The following CCDC60 variants were observed in gnomAD, a reference collection of about 807,000 sequenced individuals.
CCDC60 encodes coiled-coil domain containing 60, also known as coiled-coil domain-containing protein 60.
A neutral mutation model predicts 63.5 loss-of-function variants in CCDC60; 54 were observed. The ratio of observed to expected loss-of-function variants is 0.85; its 90% CI spans 0.68 to 1.07. The LOEUF is 1.07. CCDC60 is among the 50% of genes least tolerant of loss of function. CCDC60 has a pLI of 0.00. For synonymous variants in CCDC60, 206 were observed against 238.8 expected (o/e 0.86, Z 1.27); for missense variants, 651 against 684.3 (o/e 0.95, Z 0.54).
At chr12:119,382,609 G>GGTAT (rs1555233368) in intron 1 of CCDC60, among the ~76,000 whole-genome samples, 2 of 151,598 alleles carry the variant, frequency 1.3e-5, no homozygotes, top group Non-Finnish European at 2.9e-5. Context: ...CAGAACAGTG[G>GGTAT]GAATGAATGA....
chr12:119,492,155 G>C (rs1951604464), intron 5 of CCDC60, among the ~76,000 whole-genome samples: 2 of 152,070 alleles, frequency 1.3e-5, no homozygotes, highest in African/African-American at 2.4e-5. Flanking sequence ...GTATTTGTTG[G>C]GGTTGTTTTT....
chr12:119,463,882 A>G (rs1950903788), intron 2 of CCDC60, among the ~76,000 whole-genome samples: 1 of 152,196 alleles, frequency 6.6e-6, no homozygotes, highest in Admixed American at 6.5e-5. Context: ...GGAGTAAAGG[A>G]GTCGAGAGGC....
At chr12:119,396,783 A>G (rs1018015984) in intron 1 of CCDC60, among the ~76,000 whole-genome samples, 1 of 152,218 alleles carries the variant, frequency 6.6e-6, no homozygotes, top group Non-Finnish European at 1.5e-5. Context: ...CAAGATGCTG[A>G]GGCAGGAGGA....
chr12:119,456,047 G>GA lies in CCDC60; in HGVS notation c.171-15944dup, dbSNP rs1166672173. 5.4e-5 allele frequency among the ~76,000 whole-genome samples: 8 copies of GA among 147,316 alleles called. No homozygotes were observed. The highest frequency in any genetic ancestry group is 2.0e-4 in the African/African-American group (8 of 39,748). Reference sequence around the variant, plus strand: ...AGAAAGAAAGAAAGAAAGAAAGAAAGAAAGAAAGAAAGAAAGCAAGCAAGC... The same window carrying GA: ...AGAAAGAAAGAAAGAAAGAAAGAAAGAAAAGAAAGAAAGAAAGCAAGCAAGC... On this transcript the variant is annotated intron_variant, in intron 2 of 13. Transcript: ENST00000327554. The surrounding 1 kb of genome is among the most constrained non-coding windows in gnomAD (Gnocchi z 4.6).
At chr12:119,509,541 C>T (rs1593192990) in intron 7 of CCDC60, among the ~76,000 whole-genome samples, 1 of 152,134 alleles carries the variant, frequency 6.6e-6, no homozygotes, top group Non-Finnish European at 1.5e-5. Flanking sequence ...TTGTGTTCTC[C>T]AGTTTTCCAC....
chr12:119,516,544 G>T, intron 7 of CCDC60, 79 bp from the exon 8 acceptor site: 2 of 930,474 alleles, frequency 2.1e-6, no homozygotes, highest in East Asian at 2.4e-5. Flanking sequence ...ACCCCAGTTT[G>T]GGGGGCTGCA....
chr12:119,403,718 A>G (rs893854847), intron 1 of CCDC60, among the ~76,000 whole-genome samples: 1 of 151,816 alleles, frequency 6.6e-6, no homozygotes, highest in African/African-American at 2.4e-5. Context: ...CCCTATTGCT[A>G]TGCTCCAGCT....
At chr12:119,362,568 A>C (rs534083735) in intron 1 of CCDC60, among the ~76,000 whole-genome samples, 1 of 152,160 alleles carries the variant, frequency 6.6e-6, no homozygotes, top group Non-Finnish European at 1.5e-5. Context: ...TATCTGGGTG[A>C]TTTAATCCAC....
chr12:119,521,147 C>T (rs143325889), intron 9 of CCDC60, among the ~76,000 whole-genome samples: 1,775 of 152,222 alleles, frequency 0.012, 13 homozygotes, highest in Non-Finnish European at 0.018. Flanking sequence ...TTTCACAATG[C>T]GTTATATAAC....
chr12:119,473,690 A>G (rs1399853711), intron 3 of CCDC60, among the ~76,000 whole-genome samples: 1 of 152,224 alleles, frequency 6.6e-6, no homozygotes, highest in African/African-American at 2.4e-5. Context: ...CCACTTATGA[A>G]TGAGAATATA....
chr12:119,510,713 C>A lies in CCDC60; in HGVS notation c.883+5410C>A, dbSNP rs1206389693. ...CTACTTCCCCCACTTTCTTCTGTGT[C>A]ATCCTTAACATCACTTCATAATCCA... On this transcript the variant is annotated intron_variant, in intron 7 of 13. Coordinates refer to ENST00000327554, the MANE Select transcript of CCDC60 (RefSeq NM_178499.5). 2.6e-5 allele frequency among the ~76,000 whole-genome samples: 4 copies of A among 152,270 alleles called. No individual in the cohort carries two copies. The South Asian group carries it at 6.2e-4, about 24-fold the overall frequency.
chr12:119,354,039 C>G (rs777105676), intron 1 of CCDC60, among the ~76,000 whole-genome samples: 5 of 147,678 alleles, frequency 3.4e-5, no homozygotes, highest in Non-Finnish European at 6.0e-5. Context: ...TAGCTATCTG[C>G]TCTCTCCCTG....
At chr12:119,349,567 G>A (rs545135044) in intron 1 of CCDC60, among the ~76,000 whole-genome samples, 1 of 151,938 alleles carries the variant, frequency 6.6e-6, no homozygotes, top group East Asian at 1.9e-4. Context: ...TCAAACTCCT[G>A]ACCTCAGATG....
At chr12:119,530,757 A>G in intron 12 of CCDC60, 117 bp from the exon 13 acceptor site, 1 of 795,750 alleles carries the variant, frequency 1.3e-6, no homozygotes, top group Admixed American at 2.6e-5. Context: ...CTAGATAAAG[A>G]ATACTGCTGC....
At chr12:119,501,268 A>G (rs953460833) in intron 6 of CCDC60, among the ~76,000 whole-genome samples, 1 of 152,222 alleles carries the variant, frequency 6.6e-6, no homozygotes, top group African/African-American at 2.4e-5. Context: ...ACATAATTGT[A>G]AATGGGCTAG....
intron 1 of CCDC60, chr12:119,402,486 G>T (rs1167204142): frequency 1.3e-5 from 2 of 152,174 alleles, no homozygotes; most frequent in Non-Finnish European, 2.9e-5. Context: ...GTTTGTGTTT[G>T]AACCCCACCT....
At position 119,505,317 on chromosome 12, in the gene CCDC60, G is replaced by C; in HGVS notation, c.883+14G>C. The C allele has an allele frequency of 1.9e-6, 3 of 1,553,608 alleles. No homozygotes were observed. The highest frequency in any genetic ancestry group is 1.1e-5 in the South Asian group (1 of 89,918). On this transcript the variant is annotated intron_variant, in intron 7 of 13. Coordinates refer to ENST00000327554, the MANE Select transcript of CCDC60 (RefSeq NM_178499.5). ...CTCTGTATATGAGTAAGTCCTACCT[G>C]AGATCTGACTCATCTACCCTGACCC...
chr12:119,441,348 A>C (rs1950441558), intron 2 of CCDC60, among the ~76,000 whole-genome samples: 2 of 152,234 alleles, frequency 1.3e-5, no homozygotes, highest in African/African-American at 4.8e-5. Flanking sequence ...TTCACCACTT[A>C]GAGTGGACAC....
intron 1 of CCDC60, among the ~76,000 whole-genome samples, chr12:119,395,008 G>C (rs948451764): frequency 6.6e-6 from 1 of 152,224 alleles, no homozygotes; most frequent in African/African-American, 2.4e-5. Context: ...CTTAAGTTGG[G>C]TCTTGAAGGA....
Sources: allele counts gnomAD v4.1 joint callset (sites outside exome capture counted in the v4.1 genomes callset), GRCh38; gene constraint gnomAD v4.1.1; non-coding constraint Gnocchi (gnomAD v3.1); transcripts MANE v1.5; gene names NCBI Gene and HGNC (gene_info 2026-07-23, HGNC 2026-07-21).